Variants in CCBE1 observed in about 807,000 individuals in gnomAD.
The protein encoded by CCBE1 is collagen and calcium-binding EGF domain-containing protein 1.
Under a neutral mutation model 50.0 loss-of-function variants are expected in CCBE1, and 37 were observed. The observed-to-expected ratio is 0.74, with a 90% CI of 0.57 to 0.97. CCBE1 has a LOEUF of 0.97. Among genes scored for constraint, CCBE1 ranks in the 50% least tolerant of loss-of-function variants. The pLI is 0.00. For synonymous variants in CCBE1, 234 were observed against 203.7 expected, an observed-to-expected ratio of 1.15 and a Z score of -1.27; for missense variants, 538 against 523.8, an observed-to-expected ratio of 1.03 and a Z score of -0.26.
At chr18:59,599,274 G>T (rs747299665) in intron 2 of CCBE1, among the ~76,000 whole-genome samples, 26 of 152,246 alleles carry the variant, frequency 1.7e-4, no homozygotes, top group Non-Finnish European at 2.9e-4. Context: ...TATATTATGT[G>T]CCAGGTACCA....
At position 59,439,657 on chromosome 18, in the gene CCBE1, A is replaced by G. The variant is rs1324167780; in HGVS notation, c.915+20T>C. ...ACATTTTCCCCCAAAAAGGAAGTGG[A>G]TCTCTGATAAGATACTGACCACAGG... is the stretch of plus-strand genomic sequence containing the variant. On this transcript the variant is annotated intron_variant, in intron 8 of 10. Coordinates refer to ENST00000439986, the MANE Select transcript of CCBE1 (RefSeq NM_133459.4). 6.2e-7 allele frequency: 1 copy of G among 1,614,204 alleles called. No individual in the cohort carries two copies. The highest frequency in any genetic ancestry group is 1.7e-5 in the Admixed American group (1 of 60,038).
chr18:59,693,458 G>A (rs907446132), intron 2 of CCBE1, among the ~76,000 whole-genome samples: 5 of 151,976 alleles, frequency 3.3e-5, no homozygotes, highest in African/African-American at 1.2e-4. Context: ...GAGACCAGTT[G>A]ACAAAAAGTG....
At chr18:59,616,917 C>G (rs1032204316) in intron 2 of CCBE1, among the ~76,000 whole-genome samples, 1 of 152,172 alleles carries the variant, frequency 6.6e-6, no homozygotes, top group South Asian at 2.1e-4. Context: ...TCAGCTTTCA[C>G]ATCTGCTAAA....
At chr18:59,646,988 G>A (rs2054063279) in intron 2 of CCBE1, among the ~76,000 whole-genome samples, 1 of 152,232 alleles carries the variant, frequency 6.6e-6, no homozygotes. Context: ...AACAGGCTCT[G>A]ATCTTTCCGT....
chr18:59,469,155 T>C (rs1487654000), intron 4 of CCBE1, among the ~76,000 whole-genome samples: 1 of 152,252 alleles, frequency 6.6e-6, no homozygotes, highest in Non-Finnish European at 1.5e-5. Context: ...TCTTGTTTTG[T>C]TCTGTCTGCG....
intron 2 of CCBE1, among the ~76,000 whole-genome samples, chr18:59,545,334 G>A (rs879439625): frequency 0.023 from 3,493 of 152,178 alleles, 94 homozygotes; most frequent in East Asian, 0.12. Flanking sequence ...AAAAAACTCA[G>A]TATGCACTCT....
chr18:59,616,180 A>G (rs1281907620), intron 2 of CCBE1, among the ~76,000 whole-genome samples: 2 of 152,162 alleles, frequency 1.3e-5, no homozygotes, highest in East Asian at 3.9e-4. Context: ...CTGTCAAACC[A>G]GTGAGGGCTG....
chr18:59,438,717 T>C (rs1261085731), intron 9 of CCBE1, among the ~76,000 whole-genome samples: 1 of 152,186 alleles, frequency 6.6e-6, no homozygotes, highest in Non-Finnish European at 1.5e-5. Flanking sequence ...TTGAAGACAA[T>C]GGCTTTTCAG....
chr18:59,476,404 G>A (rs1037339101), intron 3 of CCBE1, among the ~76,000 whole-genome samples: 3 of 152,110 alleles, frequency 2.0e-5, no homozygotes, highest in African/African-American at 7.2e-5. Context: ...TAGAACAAAT[G>A]AGATCATCCT....
chr18:59,560,070 G>C (rs1049694435), intron 2 of CCBE1, among the ~76,000 whole-genome samples: 1 of 152,238 alleles, frequency 6.6e-6, no homozygotes, highest in Non-Finnish European at 1.5e-5. Flanking sequence ...TGCAGGTTTA[G>C]AAGCAGCAGT....
intron 2 of CCBE1, among the ~76,000 whole-genome samples, chr18:59,622,069 A>G (rs1007400497): frequency 6.6e-6 from 1 of 152,174 alleles, no homozygotes; most frequent in East Asian, 1.9e-4. Flanking sequence ...TGAATAATTC[A>G]AAGTCCACCT....
intron 2 of CCBE1, among the ~76,000 whole-genome samples, chr18:59,536,614 A>G (rs1195982414): frequency 6.6e-6 from 1 of 152,228 alleles, no homozygotes; most frequent in Non-Finnish European, 1.5e-5. Flanking sequence ...TACATGACAA[A>G]TAAGAACGAC....
At chr18:59,629,098 T>C (rs1447168281) in intron 2 of CCBE1, among the ~76,000 whole-genome samples, 1 of 152,086 alleles carries the variant, frequency 6.6e-6, no homozygotes, top group East Asian at 1.9e-4. Flanking sequence ...GTTCAAACTC[T>C]CCAAGGGCTC....
At position 59,473,633 on chromosome 18, in the gene CCBE1, T is replaced by TTC. The variant is rs1203208276; in HGVS notation, c.266-4028_266-4027dup. Among the ~76,000 whole-genome samples, 7 of 143,770 alleles carry TTC rather than the reference T, an allele frequency of 4.9e-5. 1 individual carries two copies. In the Admixed American group the frequency reaches 5.0e-4, roughly 10 times the overall value. 94.3% of individuals were successfully genotyped at this position (143,770 alleles called of 152,430 possible). A position where few individuals can be genotyped will look rare whatever the true frequency, so the allele number is the denominator to read the frequency against. ...CTTGCTCTCGTGCTTGGAAAACTTC[T>TTC]TCAGTATCACCTTCCAACCCTCCCA... On this transcript the variant is annotated intron_variant, in intron 3 of 10. Transcript: ENST00000439986.
At chr18:59,544,841 T>G (rs1384132158) in intron 2 of CCBE1, among the ~76,000 whole-genome samples, 1 of 152,198 alleles carries the variant, frequency 6.6e-6, no homozygotes, top group African/African-American at 2.4e-5. Context: ...ATTTCTATAT[T>G]AGTGTTAGGG....
intron 2 of CCBE1, among the ~76,000 whole-genome samples, chr18:59,535,985 G>A (rs1489108210): frequency 6.6e-6 from 1 of 152,188 alleles, no homozygotes; most frequent in Non-Finnish European, 1.5e-5. Flanking sequence ...ACGGTGCCTG[G>A]CTGGTGTGTA....
intron 4 of CCBE1, among the ~76,000 whole-genome samples, chr18:59,469,234 TCTC>T (rs1568156514): frequency 6.6e-6 from 1 of 152,238 alleles, no homozygotes; most frequent in Non-Finnish European, 1.5e-5. Context: ...ATGTTCCCCT[TCTC>T]CTGCTCTTAT....
chr18:59,613,062 A>G (rs578237584), intron 2 of CCBE1, among the ~76,000 whole-genome samples: 6 of 152,076 alleles, frequency 3.9e-5, no homozygotes, highest in African/African-American at 7.2e-5. Flanking sequence ...AAACTCCTTC[A>G]TCAGGGGCTT....
chr18:59,560,121 G>A (rs1049265465), intron 2 of CCBE1, among the ~76,000 whole-genome samples: 16 of 152,242 alleles, frequency 1.1e-4, no homozygotes, highest in Non-Finnish European at 2.1e-4. Context: ...GGCTGGAACA[G>A]CCTTTCTGGT....
Sources: gnomAD v4.1 joint callset for allele counts (sites outside exome capture counted in the v4.1 genomes callset) on GRCh38, gnomAD v4.1.1 for gene constraint, MANE v1.5 for transcripts, NCBI Gene and HGNC (gene_info 2026-07-23, HGNC 2026-07-21) for gene names.